The following COL24A1 variants were observed in gnomAD, a reference collection of about 807,000 sequenced individuals.
The protein encoded by COL24A1 is collagen type XXIV alpha 1 chain, also known as collagen alpha-1(XXIV) chain.
Under a neutral mutation model 253.9 loss-of-function variants are expected in COL24A1, and 224 were observed. The observed-to-expected ratio is 0.88, with a 90% CI of 0.79 to 0.99. The LOEUF is 0.99. Among genes scored for constraint, COL24A1 ranks in the 50% least tolerant of loss-of-function variants. The pLI, the probability that COL24A1 is intolerant of heterozygous loss-of-function variation, is 0.00. For missense variants in COL24A1, 2,131 were observed against 2,068.5 expected (o/e 1.03, Z -0.59); for synonymous variants, 685 against 673.7 (o/e 1.02, Z -0.26).
At chr1:86,082,290 T>C (rs1185201641) in intron 7 of COL24A1, among the ~76,000 whole-genome samples, 1 of 152,142 alleles carries the variant, frequency 6.6e-6, no homozygotes, top group Non-Finnish European at 1.5e-5. Flanking sequence ...CCTTCAATAC[T>C]CCTCAAGCTT....
rs551127881 is a variant in COL24A1 at position 86,125,751 on chromosome 1, C to T, written c.585G>A (p.Gln195=). The part of the protein sequence containing the change: ...YFSTETIPEV[Q]TFDSNSVFTL... ...TAAACACACTATTAGAATCAAAGGTCTGAACTTCTGGAATAGTCTCTGTGC... is the reference window on the plus strand; with the variant it reads ...TAAACACACTATTAGAATCAAAGGTTTGAACTTCTGGAATAGTCTCTGTGC... The change falls in exon 3 of 60, where the codon CAG becomes CAA. Residue 195 remains glutamine (Q), a synonymous_variant. Coordinates refer to ENST00000370571, the MANE Select transcript of COL24A1 (RefSeq NM_152890.7). 3.7e-5 allele frequency: 60 copies of T among 1,611,486 alleles called. No homozygotes were observed. Among genetic ancestry groups the T allele is most frequent in the Admixed American group, 3.4e-4 (20 of 59,600 alleles).
chr1:86,037,525 C>T (rs1163560286), intron 12 of COL24A1, among the ~76,000 whole-genome samples: 2 of 152,120 alleles, frequency 1.3e-5, no homozygotes, highest in African/African-American at 4.8e-5. Flanking sequence ...CGGCAAAAAG[C>T]CAGAGCCCTC....
intron 37 of COL24A1, among the ~76,000 whole-genome samples, chr1:85,860,106 G>GTTTTT (rs1678967855): frequency 1.3e-5 from 2 of 152,114 alleles, no homozygotes; most frequent in Admixed American, 6.6e-5. Flanking sequence ...TGTCTCAGAA[G>GTTTTT]TATCACATCA....
At chr1:85,870,907 G>A (rs1430970625) in intron 35 of COL24A1, among the ~76,000 whole-genome samples, 2 of 152,190 alleles carry the variant, frequency 1.3e-5, no homozygotes, top group African/African-American at 4.8e-5. Context: ...ATGAATCCAA[G>A]AGCTGGTGTT....
At chr1:85,757,710 A>C (rs576088282) in intron 55 of COL24A1, among the ~76,000 whole-genome samples, 6 of 152,274 alleles carry the variant, frequency 3.9e-5, no homozygotes, top group African/African-American at 1.2e-4. Flanking sequence ...CATAGCAGTC[A>C]ATCAATTTGT....
intron 41 of COL24A1, among the ~76,000 whole-genome samples, chr1:85,841,858 T>G (rs115317937): frequency 0.016 from 2,482 of 152,332 alleles, 66 homozygotes; most frequent in African/African-American, 0.056. Flanking sequence ...TTATTTCAGC[T>G]CAGTCTTGAA....
intron 22 of COL24A1, among the ~76,000 whole-genome samples, chr1:85,968,443 A>C (rs1691784931): frequency 6.6e-6 from 1 of 152,186 alleles, no homozygotes. Flanking sequence ...ACTTACAACT[A>C]TATTTAAGAC....
At chr1:86,078,705 C>T (rs1260188486) in intron 7 of COL24A1, among the ~76,000 whole-genome samples, 4 of 151,994 alleles carry the variant, frequency 2.6e-5, no homozygotes, top group Non-Finnish European at 5.9e-5. Flanking sequence ...AAAGCAATCC[C>T]ATTTACAATA....
At chr1:85,734,594 T>C in intron 59 of COL24A1, among the ~76,000 whole-genome samples, 155 bp downstream of exon 59, 1 of 152,240 alleles carries the variant, frequency 6.6e-6, no homozygotes, top group East Asian at 1.9e-4. Flanking sequence ...TGATTGATTC[T>C]AGAAAATGCA....
intron 7 of COL24A1, among the ~76,000 whole-genome samples, chr1:86,087,660 CTAAAG>C (rs888168696): frequency 4.6e-5 from 7 of 152,266 alleles, no homozygotes; most frequent in African/African-American, 1.7e-4. Context: ...TTAATATCAA[CTAAAG>C]TAATTGAGAT....
chr1:85,844,523 T>A, intron 39 of COL24A1, among the ~76,000 whole-genome samples: 1 of 151,868 alleles, frequency 6.6e-6, no homozygotes. Flanking sequence ...AATTAGTGAA[T>A]CAGAAAACCA....
At chr1:86,000,489 C>A (rs1437130258) in intron 19 of COL24A1, among the ~76,000 whole-genome samples, 2 of 152,172 alleles carry the variant, frequency 1.3e-5, no homozygotes, top group Non-Finnish European at 2.9e-5. Context: ...CATGAAATTT[C>A]TCATCCAAAT....
chr1:85,904,777 T>G (rs1175839908), intron 28 of COL24A1, among the ~76,000 whole-genome samples: 1 of 152,140 alleles, frequency 6.6e-6, no homozygotes, highest in African/African-American at 2.4e-5. Flanking sequence ...TTTGGGGTTT[T>G]CCTGTCCTTT....
chr1:85,914,304 A>ATGTGTGTGTGTGTGTG (rs71078628), intron 24 of COL24A1, among the ~76,000 whole-genome samples: 3 of 139,260 alleles, frequency 2.2e-5, no homozygotes, highest in African/African-American at 8.0e-5. Context: ...TTTGTCATGA[A>ATGTGTGTGTGTGTGTG]TGTGTGTGTG....
intron 39 of COL24A1, among the ~76,000 whole-genome samples, chr1:85,846,461 A>G (rs1677152984): frequency 6.6e-6 from 1 of 151,934 alleles, no homozygotes; most frequent in South Asian, 2.1e-4. Context: ...TTGCAGAAAG[A>G]AAAGCATTTG....
chr1:86,022,507 A>G (rs373130063), intron 17 of COL24A1, 31 bp downstream of exon 17: 1 of 1,567,610 alleles, frequency 6.4e-7, no homozygotes, highest in African/African-American at 1.4e-5. Context: ...ACTTTTTCAT[A>G]TTTACATAAA....
At chr1:86,073,617 G>A (rs1049692192) in intron 7 of COL24A1, among the ~76,000 whole-genome samples, 1 of 152,092 alleles carries the variant, frequency 6.6e-6, no homozygotes, top group African/African-American at 2.4e-5. Flanking sequence ...GAAATACAGA[G>A]AACACCACAA....
At chr1:85,862,028 C>T (rs1320795119) in intron 37 of COL24A1, among the ~76,000 whole-genome samples, 1 of 152,124 alleles carries the variant, frequency 6.6e-6, no homozygotes, top group Non-Finnish European at 1.5e-5. Context: ...TAATTGTCCC[C>T]TATTCAGAGA....
intron 19 of COL24A1, among the ~76,000 whole-genome samples, chr1:85,998,257 C>G (rs1482980051): frequency 6.6e-6 from 1 of 152,088 alleles, no homozygotes; most frequent in Non-Finnish European, 1.5e-5. Context: ...TTGATAAATC[C>G]CTACTATTTC....
Sources: gnomAD v4.1 joint callset for allele counts (sites outside exome capture counted in the v4.1 genomes callset) on GRCh38, gnomAD v4.1.1 for gene constraint, MANE v1.5 for transcripts, NCBI Gene and HGNC (gene_info 2026-07-23, HGNC 2026-07-21) for gene names.